Variants in GRM5 observed in about 807,000 individuals in gnomAD.
The protein encoded by GRM5 is glutamate metabotropic receptor 5.
Under a neutral mutation model 83.1 loss-of-function variants are expected in GRM5, and 19 were observed. The observed-to-expected ratio is 0.23, with a 90% CI of 0.16 to 0.34. The LOEUF (loss-of-function observed/expected upper bound fraction) is 0.34. Among genes scored for constraint, GRM5 ranks in the 10% least tolerant of loss-of-function variants. The pLI, the probability that GRM5 is intolerant of heterozygous loss-of-function variation, is 1.00. For missense variants in GRM5, 1,160 were observed against 1,588.3 expected (o/e 0.73, Z 4.58); for synonymous variants, 675 against 633.6 (o/e 1.07, Z -0.98).
At chr11:88,676,145 A>T (rs1262792561) in intron 3 of GRM5, among the ~76,000 whole-genome samples, 1 of 152,012 alleles carries the variant, frequency 6.6e-6, no homozygotes, top group Non-Finnish European at 1.5e-5. Context: ...CTTGCATTTT[A>T]TTATAACACT....
rs549001089 is a variant in GRM5, at chr11:88,506,257, A to G, written c.*2335T>C. ...ACTAAAAAAATAGAAAATGAATTTG[A>G]CCATGAACAAAGTTTAAACATGTTC... On this transcript the variant is annotated 3_prime_UTR_variant, in exon 10 of 10. Transcript: ENST00000305447. 6.6e-6 allele frequency: 1 copy of G among 152,328 alleles called. No individual in the cohort carries two copies. Among genetic ancestry groups the G allele is most frequent in the South Asian group, 2.1e-4 (1 of 4,834 alleles). The allele number at this position is 152,328 out of a possible 1,614,324, so 9.4% of individuals were successfully genotyped here.
intron 5 of GRM5, among the ~76,000 whole-genome samples, 166 bp downstream of exon 5, chr11:88,604,552 G>T (rs938739557): frequency 6.6e-6 from 1 of 152,146 alleles, no homozygotes; most frequent in African/African-American, 2.4e-5. Flanking sequence ...CTGGCCACAG[G>T]AAATGGGGCT....
At chr11:88,548,361 A>C (rs925993994) in intron 8 of GRM5, among the ~76,000 whole-genome samples, 1 of 152,204 alleles carries the variant, frequency 6.6e-6, no homozygotes, top group Non-Finnish European at 1.5e-5. Context: ...TACCATTCAG[A>C]GAATTTATAA....
intron 4 of GRM5, among the ~76,000 whole-genome samples, chr11:88,607,384 A>G (rs1938183653): frequency 6.6e-6 from 1 of 152,202 alleles, no homozygotes; most frequent in African/African-American, 2.4e-5. Flanking sequence ...TAGACTACTT[A>G]GCACTAATCT....
intron 2 of GRM5, among the ~76,000 whole-genome samples, chr11:88,994,151 T>A (rs867572468): frequency 3.2e-4 from 48 of 151,798 alleles, no homozygotes; most frequent in Non-Finnish European, 5.7e-4. Flanking sequence ...AAGAATTAAA[T>A]GCTTGGGAAT....
At chr11:89,046,368 T>C (rs1271287891) in intron 2 of GRM5, among the ~76,000 whole-genome samples, 2 of 152,096 alleles carry the variant, frequency 1.3e-5, no homozygotes, top group African/African-American at 4.8e-5. Flanking sequence ...GTGTTTAATA[T>C]ACACATTTTT....
At chr11:88,661,349 T>C (rs1316593817) in intron 3 of GRM5, among the ~76,000 whole-genome samples, 1 of 152,194 alleles carries the variant, frequency 6.6e-6, no homozygotes, top group Non-Finnish European at 1.5e-5. Flanking sequence ...AAATGTGCCT[T>C]ATAAATGACT....
chr11:88,547,476 A>G (rs1354495344), intron 8 of GRM5, among the ~76,000 whole-genome samples: 1 of 152,152 alleles, frequency 6.6e-6, no homozygotes, highest in Non-Finnish European at 1.5e-5. Flanking sequence ...AGTAGCCCCA[A>G]ACCTTATCTT....
chr11:88,653,437 C>G, intron 3 of GRM5, 34 bp from the exon 4 acceptor site: 1 of 1,400,902 alleles, frequency 7.1e-7, no homozygotes. Flanking sequence ...CAGCTTAGAA[C>G]AGATATCTCC....
chr11:88,920,340 A>T (rs897802446), intron 2 of GRM5, among the ~76,000 whole-genome samples: 1 of 151,384 alleles, frequency 6.6e-6, no homozygotes, highest in Non-Finnish European at 1.5e-5. Flanking sequence ...GTATCAAATG[A>T]TGAAGAAATC....
At chr11:88,902,302 C>T (rs889007533) in intron 2 of GRM5, among the ~76,000 whole-genome samples, 2 of 151,932 alleles carry the variant, frequency 1.3e-5, no homozygotes, top group Non-Finnish European at 2.9e-5. Flanking sequence ...GTCATGTGGA[C>T]TTGGGAACAT....
chr11:88,611,224 C>G (rs1361851277), intron 4 of GRM5, among the ~76,000 whole-genome samples: 1 of 152,064 alleles, frequency 6.6e-6, no homozygotes, highest in Non-Finnish European at 1.5e-5. Flanking sequence ...ATGATGCTGG[C>G]TTTGTAGAAT....
chr11:88,677,091 A>G (rs1940349594), intron 3 of GRM5, among the ~76,000 whole-genome samples: 1 of 152,086 alleles, frequency 6.6e-6, no homozygotes, highest in Non-Finnish European at 1.5e-5. Context: ...GGCCACCTAT[A>G]ATTTCATATT....
intron 1 of GRM5, among the ~76,000 whole-genome samples, chr11:89,060,435 C>T (rs1199928545): frequency 2.6e-5 from 4 of 152,024 alleles, no homozygotes; most frequent in African/African-American, 9.7e-5. Context: ...GTGAACACTG[C>T]ATAAACTATG....
At chr11:88,725,562 G>A (rs1941657614) in intron 3 of GRM5, among the ~76,000 whole-genome samples, 1 of 152,098 alleles carries the variant, frequency 6.6e-6, no homozygotes, top group Admixed American at 6.6e-5. Flanking sequence ...TCCTCAAGTG[G>A]GTCCCTGACC....
At chr11:88,901,520 G>A (rs1945315659) in intron 2 of GRM5, among the ~76,000 whole-genome samples, 1 of 152,110 alleles carries the variant, frequency 6.6e-6, no homozygotes, top group East Asian at 1.9e-4. Context: ...AAGTATCTTG[G>A]AATGTTTCCC....
At chr11:88,644,557 A>G (rs10765680) in intron 4 of GRM5, among the ~76,000 whole-genome samples, 103,612 of 152,068 alleles carry the variant, frequency 0.68, 41,245 homozygotes, top group Non-Finnish European at 0.9. Context: ...AAAAAATTCT[A>G]TTGACTGTAG....
At chr11:89,054,970 T>A (rs1350150122) in intron 1 of GRM5, among the ~76,000 whole-genome samples, 1 of 152,244 alleles carries the variant, frequency 6.6e-6, no homozygotes, top group Non-Finnish European at 1.5e-5. Context: ...ATCATTAGTA[T>A]TTTTAATTTG....
chr11:88,600,096 G>C (rs890590400), intron 5 of GRM5, among the ~76,000 whole-genome samples: 2 of 152,178 alleles, frequency 1.3e-5, no homozygotes, highest in African/African-American at 4.8e-5. Context: ...CACATATTCA[G>C]TGTCAGAAGC....
Sources: allele counts gnomAD v4.1 joint callset (sites outside exome capture counted in the v4.1 genomes callset), GRCh38; gene constraint gnomAD v4.1.1; transcripts MANE v1.5; gene names NCBI Gene and HGNC (gene_info 2026-07-23, HGNC 2026-07-21).